The following SORCS3 variants were observed in gnomAD, a reference collection of about 807,000 sequenced individuals.
The protein encoded by SORCS3 is sortilin related VPS10 domain containing receptor 3, also known as VPS10 domain-containing receptor SorCS3.
A neutral mutation model predicts 146.3 loss-of-function variants in SORCS3; 57 were observed. The observed-to-expected ratio is 0.39, with a 90% CI of 0.31 to 0.49. The LOEUF (loss-of-function observed/expected upper bound fraction) is 0.49, where lower values mean the gene tolerates loss of function less well. Among genes scored for constraint, SORCS3 ranks in the 20% least tolerant of loss-of-function variants. The pLI is 0.92. For missense variants in SORCS3, 1,341 were observed against 1,575.5 expected (o/e 0.85, Z 2.52); for synonymous variants, 653 against 618.5 (o/e 1.06, Z -0.83).
chr10:104,892,629 A>G (rs899327614), intron 2 of SORCS3, among the ~76,000 whole-genome samples: 5 of 152,160 alleles, frequency 3.3e-5, no homozygotes, highest in Admixed American at 6.5e-5. Flanking sequence ...AGGCTGAGAC[A>G]TGAGAATCAC....
rs791125 is a variant in SORCS3 at position 105,147,682 on chromosome 10, C to T, written c.1368C>T (p.Asn456=). 869,215 of 1,612,282 alleles carry T rather than the reference C, an allele frequency of 0.54. 236,936 individuals carry two copies. Among genetic ancestry groups the T allele is most frequent in the Admixed American group, 0.6 (35,689 of 59,900 alleles). ...VFAAVQEWNQ[N]DTYNLYISDT... ...CTGCGGTCCAAGAATGGAACCAGAA[C>T]GACACGTACAACCTCTACATCTCAG... Residue 456 remains asparagine (N), a synonymous_variant, in exon 9 of 27, where the codon AAC becomes AAT. Coordinates refer to ENST00000369701, the MANE Select transcript of SORCS3 (RefSeq NM_014978.3).
chr10:104,650,410 A>G (rs1243541466), intron 1 of SORCS3, among the ~76,000 whole-genome samples: 1 of 152,244 alleles, frequency 6.6e-6, no homozygotes, highest in East Asian at 1.9e-4. Flanking sequence ...ATGATGATCC[A>G]TAGATGAATA....
chr10:104,916,643 T>C (rs1227810921), intron 3 of SORCS3, among the ~76,000 whole-genome samples: 6 of 152,274 alleles, frequency 3.9e-5, no homozygotes, highest in South Asian at 2.1e-4. Context: ...TGTATTATCT[T>C]TGGGGAGATG....
intron 5 of SORCS3, among the ~76,000 whole-genome samples, chr10:105,060,337 G>C (rs1269149349): frequency 6.6e-6 from 1 of 152,088 alleles, no homozygotes; most frequent in Non-Finnish European, 1.5e-5. Context: ...TCTATGCTTG[G>C]AGAGAGAGAG....
intron 20 of SORCS3, among the ~76,000 whole-genome samples, chr10:105,229,614 G>A (rs117585617): frequency 3.3e-5 from 5 of 152,136 alleles, no homozygotes; most frequent in African/African-American, 9.7e-5. Flanking sequence ...GATTTATTTT[G>A]CCTTAAATAG....
chr10:104,877,668 G>A (rs923251676), intron 2 of SORCS3, among the ~76,000 whole-genome samples: 2 of 152,080 alleles, frequency 1.3e-5, no homozygotes, highest in African/African-American at 4.8e-5. Context: ...CCATTTAAGG[G>A]AATACCATAT....
At position 105,066,612 on chromosome 10, in the gene SORCS3, T is replaced by C. The variant is rs144608448; in HGVS notation, c.1029-23163T>C. On this transcript the variant is annotated intron_variant, in intron 5 of 26. Coordinates refer to ENST00000369701, the MANE Select transcript of SORCS3 (RefSeq NM_014978.3). ...TGTTAGGCACCCTCAGCATGTCATGTCATTCTGGAAGAAAGAGAATCATAA... is the reference window on the plus strand; with the variant it reads ...TGTTAGGCACCCTCAGCATGTCATGCCATTCTGGAAGAAAGAGAATCATAA... Among the ~76,000 whole-genome samples, 359 of 152,280 alleles carry C rather than the reference T, an allele frequency of 2.4e-3. 3 individuals are homozygous for C. Among genetic ancestry groups the C allele is most frequent in the African/African-American group, 8.1e-3 (335 of 41,550 alleles).
intron 3 of SORCS3, among the ~76,000 whole-genome samples, chr10:104,917,985 G>C (rs560715571): frequency 6.6e-6 from 1 of 152,190 alleles, no homozygotes; most frequent in Non-Finnish European, 1.5e-5. Context: ...CATTTTCTTT[G>C]GATATATACC....
At chr10:104,645,183 C>G (rs972103447) in intron 1 of SORCS3, among the ~76,000 whole-genome samples, 6 of 152,080 alleles carry the variant, frequency 3.9e-5, no homozygotes, top group Admixed American at 2.0e-4. Flanking sequence ...GGCCTTGGAC[C>G]CTTTACTCTG....
At chr10:104,723,618 C>G (rs1326836800) in intron 1 of SORCS3, among the ~76,000 whole-genome samples, 2 of 152,118 alleles carry the variant, frequency 1.3e-5, no homozygotes, top group Non-Finnish European at 2.9e-5. Context: ...GAATCTAAGT[C>G]TCTTTGTAGG....
chr10:105,245,062 C>A (rs2056857596), intron 20 of SORCS3, among the ~76,000 whole-genome samples: 1 of 106,574 alleles, frequency 9.4e-6, no homozygotes. Context: ...GAGCAAGACT[C>A]TGTCAAAAAA....
intron 1 of SORCS3, among the ~76,000 whole-genome samples, chr10:104,671,277 T>TTA (rs2015848837): frequency 8.4e-6 from 1 of 118,750 alleles, no homozygotes; most frequent in Non-Finnish European, 1.8e-5. Flanking sequence ...TAACTGTGTG[T>TTA]TTTTTTTTAT....
At chr10:105,078,606 G>A (rs74429871) in intron 5 of SORCS3, among the ~76,000 whole-genome samples, 3,290 of 152,228 alleles carry the variant, frequency 0.022, 107 homozygotes, top group East Asian at 0.17. Context: ...TTCTTGGTAC[G>A]TTAAAGGTGT....
At chr10:104,684,272 A>G (rs943004716) in intron 1 of SORCS3, among the ~76,000 whole-genome samples, 3 of 152,186 alleles carry the variant, frequency 2.0e-5, no homozygotes, top group Non-Finnish European at 2.9e-5. Context: ...GCCATTCATA[A>G]AGCATGCCTG....
intron 1 of SORCS3, among the ~76,000 whole-genome samples, chr10:104,757,348 A>G (rs781185362): frequency 2.0e-5 from 3 of 152,170 alleles, no homozygotes; most frequent in Non-Finnish European, 2.9e-5. Flanking sequence ...AATTGCCATT[A>G]GCTCTTGTCC....
intron 1 of SORCS3, among the ~76,000 whole-genome samples, chr10:104,655,377 T>G (rs1304185661): frequency 6.6e-6 from 1 of 152,192 alleles, no homozygotes; most frequent in African/African-American, 2.4e-5. Context: ...TGCAGGTATT[T>G]AAGCCTAGTA....
At chr10:104,768,400 A>G (rs539041364) in intron 1 of SORCS3, among the ~76,000 whole-genome samples, 2 of 152,368 alleles carry the variant, frequency 1.3e-5, no homozygotes, top group African/African-American at 4.8e-5. Flanking sequence ...AGTTTGTTAT[A>G]CTGAAAAAAC....
At position 104,836,575 on chromosome 10, in the gene SORCS3, G is replaced by T. The variant is rs138874505; in HGVS notation, c.628-6217G>T. 4.6e-5 allele frequency among the ~76,000 whole-genome samples: 7 copies of T among 152,214 alleles called. No individual in the cohort carries two copies. In the East Asian group the frequency reaches 1.4e-3, roughly 29 times the overall value. ...TAAGAAGTCAGCTATGTCCCTTATT[G>T]TCACCTTATTTATGGTGACATAAAT... On this transcript the variant is annotated intron_variant, in intron 1 of 26. Transcript: ENST00000369701.
At chr10:104,804,325 T>G (rs983503538) in intron 1 of SORCS3, among the ~76,000 whole-genome samples, 4 of 152,242 alleles carry the variant, frequency 2.6e-5, no homozygotes, top group African/African-American at 4.8e-5. Flanking sequence ...CATTTCATGT[T>G]CAGAAACTCT....
Sources: allele counts gnomAD v4.1 joint callset (sites outside exome capture counted in the v4.1 genomes callset), GRCh38; gene constraint gnomAD v4.1.1; transcripts MANE v1.5; gene names NCBI Gene and HGNC (gene_info 2026-07-23, HGNC 2026-07-21).